Variants in OR51B5 observed in about 807,000 individuals in gnomAD.
The protein encoded by OR51B5 is olfactory receptor 51B5.
For missense variants in OR51B5, 456 were observed against 374.6 expected, an observed-to-expected ratio of 1.22 and a Z score of -1.79; for synonymous variants, 186 against 144.8, an observed-to-expected ratio of 1.28 and a Z score of -2.04.
At chr11:5,389,443 C>A in intron 1 of OR51B5, 1 of 1,613,890 alleles carries the variant, frequency 6.2e-7, no homozygotes, top group Non-Finnish European at 8.5e-7. Context: ...TGCTGCTATC[C>A]AACATTACTC....
At chr11:5,359,144 G>C (rs1849240643) in intron 1 of OR51B5, among the ~76,000 whole-genome samples, 1 of 152,046 alleles carries the variant, frequency 6.6e-6, no homozygotes, top group Non-Finnish European at 1.5e-5. Flanking sequence ...TTCTGGCCAG[G>C]GCAATTAGGC....
chr11:5,474,568 A>G (rs935857093), intron 1 of OR51B5, among the ~76,000 whole-genome samples: 2 of 152,174 alleles, frequency 1.3e-5, no homozygotes, highest in African/African-American at 4.8e-5. Context: ...TTTTGTAGTT[A>G]AGCCTTTTCC....
exon 1 of OR51B5, chr11:5,343,069 T>A (rs1419667888): frequency 1.2e-6 from 2 of 1,613,328 alleles, no homozygotes; most frequent in East Asian, 4.5e-5. Context: ...GAACAACGGA[T>A]ACAAATCCCC....
chr11:5,465,717 C>G (rs1851130327), intron 1 of OR51B5, among the ~76,000 whole-genome samples: 2 of 142,934 alleles, frequency 1.4e-5, no homozygotes, highest in African/African-American at 5.3e-5. Context: ...AAAGGATTCC[C>G]TATTTAATAA....
intron 1 of OR51B5, among the ~76,000 whole-genome samples, chr11:5,440,398 A>G (rs765403772): frequency 6.6e-6 from 1 of 152,218 alleles, no homozygotes; most frequent in East Asian, 1.9e-4. Context: ...TAATTTTCAC[A>G]TAAGTATTGA....
intron 1 of OR51B5, among the ~76,000 whole-genome samples, chr11:5,375,134 C>A (rs1564791723): frequency 6.8e-6 from 1 of 147,622 alleles, no homozygotes; most frequent in East Asian, 2.0e-4. Context: ...CAGCAGCTCT[C>A]TTGGCAGAAA....
intron 1 of OR51B5, among the ~76,000 whole-genome samples, chr11:5,388,845 T>C (rs1849744238): frequency 6.6e-6 from 1 of 151,898 alleles, no homozygotes; most frequent in Admixed American, 6.6e-5. Context: ...AGACTTGAGG[T>C]ATTCAGTAAA....
chr11:5,346,656 G>C (rs10837871), upstream of OR51B5, among the ~76,000 whole-genome samples: 44,748 of 152,044 alleles, frequency 0.29, 7,349 homozygotes, highest in Non-Finnish European at 0.38. Flanking sequence ...GGTAGCACTT[G>C]GAATTGCTTT....
chr11:5,424,847 T>C lies in OR51B5; in HGVS notation n.85-77937A>G, dbSNP rs78689768. Among the ~76,000 whole-genome samples the C allele has an allele frequency of 3.3e-3, 324 of 98,918 alleles. 91 individuals carry two copies. The highest frequency in any genetic ancestry group is 9.3e-3 in the African/African-American group (265 of 28,444). 64.9% of individuals were successfully genotyped at this position (98,918 alleles called of 152,430 possible). On this transcript the variant is annotated intron_variant and non_coding_transcript_variant, in intron 1 of 4. Transcript: ENST00000415970. ...AATAGAAAAAATTAGCCGGGCGTGG[T>C]GGCGGGCGCCTATAGTCCCAGCTAC...
At chr11:5,343,302 T>C (rs1349355705) in exon 1 of OR51B5, 6 of 1,611,574 alleles carry the variant, frequency 3.7e-6, no homozygotes, top group Non-Finnish European at 4.2e-6. Context: ...GTGGGCATTG[T>C]GGTCAGGGCC....
At chr11:5,457,293 A>T (rs1466029673) in intron 1 of OR51B5, among the ~76,000 whole-genome samples, 2 of 152,232 alleles carry the variant, frequency 1.3e-5, no homozygotes, top group Non-Finnish European at 2.9e-5. Context: ...GCATCCATGT[A>T]GCTGCAAAGG....
chr11:5,462,910 G>T (rs181683687), intron 1 of OR51B5, among the ~76,000 whole-genome samples: 134 of 152,274 alleles, frequency 8.8e-4, no homozygotes, highest in African/African-American at 3.0e-3. Context: ...CAGTTACTTT[G>T]TGAATTCTCA....
At chr11:5,404,858 T>C (rs1346347875) in intron 1 of OR51B5, among the ~76,000 whole-genome samples, 1 of 152,180 alleles carries the variant, frequency 6.6e-6, no homozygotes, top group African/African-American at 2.4e-5. Context: ...TCTGCGGCTT[T>C]ACTCCTGAAG....
intron 1 of OR51B5, among the ~76,000 whole-genome samples, chr11:5,438,363 C>CCA (rs1554891820): frequency 5.9e-5 from 9 of 151,600 alleles, no homozygotes; most frequent in African/African-American, 2.2e-4. Context: ...ACACCCCCCC[C>CCA]CAGTTATCCA....
chr11:5,421,682 A>T (rs1441884860), intron 1 of OR51B5, among the ~76,000 whole-genome samples: 1 of 152,258 alleles, frequency 6.6e-6, no homozygotes, highest in Non-Finnish European at 1.5e-5. Context: ...GAATGAAAAA[A>T]TTAGGAGATG....
intron 1 of OR51B5, among the ~76,000 whole-genome samples, chr11:5,373,563 T>C (rs1017489089): frequency 2.0e-5 from 3 of 152,086 alleles, no homozygotes; most frequent in African/African-American, 7.2e-5. Flanking sequence ...GTCATGGAGT[T>C]CCCTTTCCTG....
At chr11:5,346,975 T>C (rs1034572916), upstream of OR51B5, 3 of 152,196 alleles carry the variant, frequency 2.0e-5, no homozygotes, top group South Asian at 6.2e-4. Flanking sequence ...GTCTCCCTTT[T>C]ATAGCCAACT....
At chr11:5,429,119 T>C (rs181522927) in intron 1 of OR51B5, among the ~76,000 whole-genome samples, 17 of 152,274 alleles carry the variant, frequency 1.1e-4, no homozygotes, top group Admixed American at 2.6e-4. Flanking sequence ...ACTCAGCACA[T>C]GACTACCATT....
intron 1 of OR51B5, among the ~76,000 whole-genome samples, chr11:5,470,897 C>A (rs1025645560): frequency 6.6e-6 from 1 of 152,174 alleles, no homozygotes; most frequent in South Asian, 2.1e-4. Flanking sequence ...TCATTCGACA[C>A]AAAGCAACCA....
Sources: gnomAD v4.1 joint callset for allele counts (sites outside exome capture counted in the v4.1 genomes callset) on GRCh38, gnomAD v4.1.1 for gene constraint, MANE v1.5 for transcripts, NCBI Gene and HGNC (gene_info 2026-07-23, HGNC 2026-07-21) for gene names.